Variants in FAM83A observed in about 807,000 individuals in gnomAD.
The protein encoded by FAM83A is protein FAM83A.
A neutral mutation model predicts 24.4 loss-of-function variants in FAM83A; 21 were observed. The ratio of observed to expected loss-of-function variants is 0.86; its 90% confidence interval spans 0.61 to 1.24. FAM83A has a LOEUF of 1.24. Among genes scored for constraint, FAM83A ranks in the 50% most tolerant of loss-of-function variants. FAM83A has a pLI of 0.00. For missense variants in FAM83A, 617 were observed against 579.8 expected (o/e 1.06, Z -0.66); for synonymous variants, 270 against 252.4 (o/e 1.07, Z -0.66).
chr8:123,209,525 C>A lies in FAM83A; in HGVS notation c.*1837C>A, dbSNP rs1482096690. 6.2e-7 allele frequency: 1 copy of A among 1,614,204 alleles called. No individual in the cohort carries two copies. Among genetic ancestry groups the A allele is most frequent in the South Asian group, 1.1e-5 (1 of 91,080 alleles). ...CAGCCCTGACCTTGTTGTTTCACAG[C>A]TGACGGCTGAGATGAGGTTAGAATG... On this transcript the variant is annotated 3_prime_UTR_variant, in exon 4 of 4. Transcript: ENST00000690554. The surrounding 1 kb of genome is among the most constrained non-coding windows in gnomAD (Gnocchi z 4.7).
intron 3 of FAM83A, chr8:123,202,567 GCATGAAGTA>G (rs1480432172): frequency 3.3e-5 from 5 of 152,632 alleles, no homozygotes; most frequent in Non-Finnish European, 7.3e-5. Flanking sequence ...TGCTTTCCTG[GCATGAAGTA>G]CAGTAAATAC....
chr8:123,205,729 C>G (rs1016270238), intron 3 of FAM83A, among the ~76,000 whole-genome samples: 1 of 152,102 alleles, frequency 6.6e-6, no homozygotes, highest in African/African-American at 2.4e-5. Flanking sequence ...AGCAGGAGCC[C>G]AGGAGCCTCT....
At chr8:123,180,857 T>C (rs1184522340), upstream of FAM83A, 1 of 151,970 alleles carries the variant, frequency 6.6e-6, no homozygotes, top group Non-Finnish European at 1.5e-5. Flanking sequence ...AAAGAGAGGA[T>C]TGCTCAAGAT....
chr8:123,207,950 A>C, exon 4 of FAM83A: 1 of 1,225,176 alleles, frequency 8.2e-7, no homozygotes, highest in Non-Finnish European at 1.0e-6. Context: ...GGACAAAATC[A>C]TGAAAACAGA....
At position 123,207,562 on chromosome 8, in the gene FAM83A, G is replaced by A. The variant is rs772346358; in HGVS notation, c.1179G>A (p.Pro393=). The change falls in exon 4 of 4, where the codon CCG becomes CCA. Residue 393 remains proline, a synonymous_variant. Coordinates refer to ENST00000690554, the Ensembl canonical transcript of FAM83A. Reference sequence around the variant, plus strand: ...TCTCCCCGCGGCCCCACGACGGCCCGCCCGCCGCTGTCTACAGCAACCTGG... The same window carrying A: ...TCTCCCCGCGGCCCCACGACGGCCCACCCGCCGCTGTCTACAGCAACCTGG... 1.4e-5 allele frequency: 22 copies of A among 1,537,554 alleles called. No individual in the cohort carries two copies. In the South Asian group the frequency reaches 1.4e-4, roughly 10 times the overall value.
At chr8:123,194,073 G>A in exon 3 of FAM83A, 1 of 1,614,216 alleles carries the variant, frequency 6.2e-7, no homozygotes, top group Non-Finnish European at 8.5e-7. Flanking sequence ...GCCAAGTCAG[G>A]CAGGAAATTC....
At chr8:123,195,906 C>G (rs1373321585) in intron 3 of FAM83A, among the ~76,000 whole-genome samples, 3 of 152,354 alleles carry the variant, frequency 2.0e-5, no homozygotes, top group Non-Finnish European at 4.4e-5. Flanking sequence ...GAATCTGGAA[C>G]AGAAACAGAC....
chr8:123,204,628 G>T (rs1824478807), intron 3 of FAM83A, among the ~76,000 whole-genome samples: 1 of 151,980 alleles, frequency 6.6e-6, no homozygotes, highest in Admixed American at 6.6e-5. Context: ...CGGGCATGGT[G>T]GCGGGCGCCT....
chr8:123,191,251 T>C (rs1294178415), intron 1 of FAM83A, among the ~76,000 whole-genome samples: 1 of 152,134 alleles, frequency 6.6e-6, no homozygotes, highest in African/African-American at 2.4e-5. Flanking sequence ...CTGTGACACA[T>C]GATGCAGTAG....
intron 3 of FAM83A, among the ~76,000 whole-genome samples, chr8:123,197,762 A>G (rs1824206888): frequency 6.6e-6 from 1 of 152,226 alleles, no homozygotes; most frequent in African/African-American, 2.4e-5. Flanking sequence ...ATCAAAGAAC[A>G]GGTGCAGTTT....
chr8:123,187,843 A>ATTTTTAT (rs1259497825), intron 1 of FAM83A, among the ~76,000 whole-genome samples: 1 of 151,684 alleles, frequency 6.6e-6, no homozygotes, highest in African/African-American at 2.4e-5. Flanking sequence ...TTGCTCTTTT[A>ATTTTTAT]TTTTTATTTT....
exon 4 of FAM83A, chr8:123,207,211 C>G: frequency 6.2e-7 from 1 of 1,612,134 alleles, no homozygotes; most frequent in Non-Finnish European, 8.5e-7. Flanking sequence ...AGTTCACAGG[C>G]CAGGCGGTGG....
At chr8:123,200,461 G>T (rs1174572111) in intron 3 of FAM83A, among the ~76,000 whole-genome samples, 1 of 152,204 alleles carries the variant, frequency 6.6e-6, no homozygotes, top group Non-Finnish European at 1.5e-5. Context: ...CCTGGGCAGG[G>T]GCAGGAGGAA....
At chr8:123,192,432 A>G (rs1020320895) in intron 2 of FAM83A, among the ~76,000 whole-genome samples, 1 of 152,106 alleles carries the variant, frequency 6.6e-6, no homozygotes, top group African/African-American at 2.4e-5. Flanking sequence ...CATGTTCAGA[A>G]CTCCCTGGTC....
At chr8:123,204,343 A>G (rs1412956717) in intron 3 of FAM83A, among the ~76,000 whole-genome samples, 1 of 152,260 alleles carries the variant, frequency 6.6e-6, no homozygotes, top group African/African-American at 2.4e-5. Context: ...TATATTACTT[A>G]AAATCACCAA....
chr8:123,187,214 G>A (rs1473275397), intron 1 of FAM83A, among the ~76,000 whole-genome samples: 3 of 152,150 alleles, frequency 2.0e-5, no homozygotes, highest in African/African-American at 7.2e-5. Context: ...GTGATAAAGG[G>A]TGAAGACAGG....
exon 1 of FAM83A, chr8:123,183,161 C>A: frequency 1.2e-6 from 2 of 1,613,826 alleles, no homozygotes; most frequent in Non-Finnish European, 1.7e-6. Flanking sequence ...TCCCTACAGT[C>A]CGGCACCTAC....
chr8:123,191,986 A>C lies in FAM83A; in HGVS notation c.648+16A>C. ...TCACCTCAAGGTAGGGGCCCCAATGAGAGTCCTAAGGGTACTCATATTAGC... is the reference window on the plus strand; with the variant it reads ...TCACCTCAAGGTAGGGGCCCCAATGCGAGTCCTAAGGGTACTCATATTAGC... On this transcript the variant is annotated intron_variant, in intron 2 of 3. Transcript: ENST00000690554. 6.2e-7 allele frequency: 1 copy of C among 1,613,684 alleles called. No individual in the cohort carries two copies. Among genetic ancestry groups the C allele is most frequent in the Non-Finnish European group, 8.5e-7 (1 of 1,179,726 alleles).
intron 1 of FAM83A, among the ~76,000 whole-genome samples, chr8:123,185,440 C>T (rs566068410): frequency 2.9e-4 from 44 of 152,358 alleles, no homozygotes; most frequent in African/African-American, 9.6e-4. Context: ...CTCCTCCCCA[C>T]TCCACACCCA....
Sources: allele counts gnomAD v4.1 joint callset (sites outside exome capture counted in the v4.1 genomes callset), GRCh38; gene constraint gnomAD v4.1.1; non-coding constraint Gnocchi (gnomAD v3.1); transcripts MANE v1.5; gene names NCBI Gene and HGNC (gene_info 2026-07-23, HGNC 2026-07-21).